The following USO1 variants were observed in gnomAD, a reference collection of about 807,000 sequenced individuals.
USO1 encodes USO1 vesicle transport factor, also known as general vesicular transport factor p115.
In USO1, 57 loss-of-function variants were observed where a neutral mutation model predicts 124.5. The observed-to-expected ratio is 0.46, with a 90% CI of 0.37 to 0.57. The LOEUF is 0.57. Among genes scored for constraint, USO1 ranks in the 20% least tolerant of loss-of-function variants. The probability of loss-of-function intolerance (pLI) is 0.00; values close to 1 mark genes in which losing one functional copy is unlikely to be tolerated. For missense variants in USO1, 900 were observed against 1,040.6 expected (o/e 0.86, Z 1.86); for synonymous variants, 369 against 362.8 (o/e 1.02, Z -0.19).
At position 75,806,525 on chromosome 4, in the gene USO1, G is replaced by T; in HGVS notation, c.2329G>T (p.Ala777Ser). The change falls in exon 20 of 24, where the codon GCA becomes TCA. Residue 777 changes from alanine (A) to serine (S), a missense_variant. Physicochemically the swap from Ala to Ser is moderately conservative, Grantham distance 99. This residue lies in a region of USO1 where 362 missense variants were observed against 359.0 expected (regional missense o/e 1.01). Coordinates refer to ENST00000514213, the MANE Select transcript of USO1 (RefSeq NM_003715.4). ...QTSGTNEQSS[A>S]IVSARDSEQV... ...ATCTGGCACAAATGAACAGTCTTCA[G>T]CAATAGTTTCAGCTAGAGATTCTGA... 6.4e-7 allele frequency: 1 copy of T among 1,562,146 alleles called. No homozygotes were observed. The highest frequency in any genetic ancestry group is 1.4e-5 in the African/African-American group (1 of 73,744).
chr4:75,805,439 G>A, intron 19 of USO1, 136 bp downstream of exon 19: 1 of 1,274,920 alleles, frequency 7.8e-7, no homozygotes. Flanking sequence ...AGGCACAGTG[G>A]CTTACGCCTG....
At chr4:75,751,906 G>A (rs1417344802) in intron 1 of USO1, among the ~76,000 whole-genome samples, 2 of 151,982 alleles carry the variant, frequency 1.3e-5, no homozygotes, top group African/African-American at 4.8e-5. Context: ...ATATTTTGAG[G>A]CACACTTAAA....
intron 19 of USO1, among the ~76,000 whole-genome samples, chr4:75,805,929 C>T (rs1266900800): frequency 6.6e-6 from 1 of 152,092 alleles, no homozygotes; most frequent in Non-Finnish European, 1.5e-5. Context: ...CTTTTATGCT[C>T]TTTCTCCATA....
rs550803058 is a variant in USO1 at position 75,800,986 on chromosome 4, C to T, written c.1865-93C>T. The T allele has an allele frequency of 4.7e-5, 65 of 1,386,386 alleles. No homozygotes were observed. In the African/African-American group the frequency reaches 8.0e-4, roughly 17 times the overall value. 85.9% of individuals were successfully genotyped at this position (1,386,386 alleles called of 1,614,324 possible). A position where few individuals can be genotyped will look rare whatever the true frequency, so the allele number is the denominator to read the frequency against. On this transcript the variant is annotated intron_variant, in intron 16 of 23. Coordinates refer to ENST00000514213, the MANE Select transcript of USO1 (RefSeq NM_003715.4). ...ATTGAAAAGATTATTTCTTACCTAT[C>T]ATGGAGTTAGGTTATATGTTTTTAC... is the stretch of plus-strand genomic sequence containing the variant.
At chr4:75,765,383 A>G (rs906524334) in intron 4 of USO1, among the ~76,000 whole-genome samples, 2 of 152,142 alleles carry the variant, frequency 1.3e-5, no homozygotes, top group African/African-American at 4.8e-5. Flanking sequence ...GGGGTGGCTT[A>G]AAAAACAAGG....
At chr4:75,727,149 C>G (rs902783235) in intron 1 of USO1, among the ~76,000 whole-genome samples, 2 of 152,116 alleles carry the variant, frequency 1.3e-5, no homozygotes, top group Non-Finnish European at 2.9e-5. Context: ...ATAGAATTCA[C>G]AGTGTATAGG....
chr4:75,765,172 CTG>C (rs1721732186), intron 4 of USO1, among the ~76,000 whole-genome samples: 1 of 152,102 alleles, frequency 6.6e-6, no homozygotes, highest in Non-Finnish European at 1.5e-5. Context: ...GTTAATATTG[CTG>C]TGATTTTAAT....
intron 8 of USO1, among the ~76,000 whole-genome samples, chr4:75,781,961 T>C (rs1722233379): frequency 6.6e-6 from 1 of 152,128 alleles, no homozygotes; most frequent in Admixed American, 6.6e-5. Context: ...ACTGTGATAA[T>C]AGTGAAAGCT....
intron 1 of USO1, among the ~76,000 whole-genome samples, chr4:75,740,631 C>G (rs1180205324): frequency 1.3e-5 from 2 of 152,130 alleles, no homozygotes; most frequent in Non-Finnish European, 2.9e-5. Flanking sequence ...TTCATGGTAA[C>G]TTTATAAAAC....
chr4:75,796,430 G>A (rs1227449105), intron 13 of USO1, among the ~76,000 whole-genome samples: 2 of 149,246 alleles, frequency 1.3e-5, no homozygotes, highest in Non-Finnish European at 3.0e-5. Context: ...CTGCCTTCTG[G>A]GTTCAAGCGA....
Position 75,812,193 on chromosome 4 carries a change from G to A in USO1, c.2617G>A (p.Ala873Thr), listed in dbSNP as rs1490744231. ...TAAAGCTCTGTCTGAGGAAAGAACT[G>A]CCATTAAAGAGCAGCTGGATTCATC... ...EIKALSEERT[A>T]IKEQLDSSNS... is the part of the protein sequence containing the mutation. The change falls in exon 23 of 24, where the codon GCC becomes ACC. Residue 873 changes from alanine (A) to threonine (T), a missense_variant. Coordinates refer to ENST00000514213, the MANE Select transcript of USO1 (RefSeq NM_003715.4). 6.2e-7 allele frequency: 1 copy of A among 1,608,324 alleles called. No homozygotes were observed. Among genetic ancestry groups the A allele is most frequent in the Non-Finnish European group, 8.5e-7 (1 of 1,177,278 alleles).
At chr4:75,781,761 A>T (rs200498326) in intron 8 of USO1, among the ~76,000 whole-genome samples, 477 of 37,386 alleles carry the variant, frequency 0.013, no homozygotes, top group Admixed American at 0.046. Flanking sequence ...ATGTCTTTTT[A>T]AAAAAAAAAT....
At chr4:75,745,361 G>A (rs376064383) in intron 1 of USO1, 291 of 519,804 alleles carry the variant, frequency 5.6e-4, no homozygotes, top group Non-Finnish European at 9.8e-4. Flanking sequence ...AGACAGTTGT[G>A]CAAGTGGAGC....
At chr4:75,742,976 T>A (rs898557512) in intron 1 of USO1, among the ~76,000 whole-genome samples, 3 of 151,036 alleles carry the variant, frequency 2.0e-5, no homozygotes, top group African/African-American at 7.3e-5. Flanking sequence ...GGAAAGTGAA[T>A]AAGCATATCT....
chr4:75,725,488 C>T (rs1439635313), intron 1 of USO1, among the ~76,000 whole-genome samples: 1 of 152,044 alleles, frequency 6.6e-6, no homozygotes, highest in Non-Finnish European at 1.5e-5. Flanking sequence ...TTTTCGGGCT[C>T]ACCCAAATAT....
rs768203766 is a variant in USO1 at position 75,804,180 on chromosome 4, G to A, written c.2033G>A (p.Cys678Tyr). 1 of 1,613,452 alleles carries A rather than the reference G, an allele frequency of 6.2e-7. No individual in the cohort carries two copies. The highest frequency in any genetic ancestry group is 8.5e-7 in the Non-Finnish European group (1 of 1,179,680). ...ELRQQVSTLK[C>Y]QNEQLQTAVT... Reference sequence around the variant, plus strand: ...AGGCAGCAGGTTTCTACATTAAAATGTCAAAATGAACAGCTCCAGACGGCA... The same window carrying A: ...AGGCAGCAGGTTTCTACATTAAAATATCAAAATGAACAGCTCCAGACGGCA... Residue 678 changes from cysteine (C) to tyrosine (Y), a missense_variant, in exon 18 of 24, where the codon TGT (cysteine) becomes TAT (tyrosine). Physicochemically the swap from Cys to Tyr is radical, Grantham distance 194. Around this residue, in one of 2 missense-constraint regions of USO1, gnomAD observed 362 missense variants for 359.0 expected, o/e 1.01. Transcript: ENST00000514213.
Position 75,753,358 on chromosome 4 carries a change from C to A in USO1, c.218+754C>A, listed in dbSNP as rs984192620. ...AGACCAGCCTGGTCAAATGGTGAAA[C>A]CCGGTCTCTACTAAAAATAACAAAA... is the stretch of plus-strand genomic sequence containing the variant. On this transcript the variant is annotated intron_variant, in intron 3 of 23. Coordinates refer to ENST00000514213, the MANE Select transcript of USO1 (RefSeq NM_003715.4). 2.0e-5 allele frequency among the ~76,000 whole-genome samples: 3 copies of A among 147,914 alleles called. No homozygotes were observed. In the East Asian group the frequency reaches 5.8e-4, roughly 29 times the overall value.
chr4:75,742,366 C>T (rs1187525448), intron 1 of USO1, among the ~76,000 whole-genome samples: 1 of 152,116 alleles, frequency 6.6e-6, no homozygotes, highest in Non-Finnish European at 1.5e-5. Flanking sequence ...CCATTATCAT[C>T]ATATGGGACG....
At position 75,750,761 on chromosome 4, in the gene USO1, G is replaced by A. The variant is rs946505713; in HGVS notation, c.67-1612G>A. Among the ~76,000 whole-genome samples the A allele has an allele frequency of 2.9e-3, 442 of 152,222 alleles. 3 individuals carry two copies. Among genetic ancestry groups the A allele is most frequent in the African/African-American group, 0.01 (428 of 41,552 alleles). On this transcript the variant is annotated intron_variant, in intron 1 of 23. Coordinates refer to ENST00000514213, the MANE Select transcript of USO1 (RefSeq NM_003715.4). The stretch of plus-strand genomic sequence containing the variant: ...ACCTCCCAAAGTGCTGAGATTACAG[G>A]TGTGAGCCACCGTGCCCATTCTACA...
Sources: allele counts gnomAD v4.1 joint callset (sites outside exome capture counted in the v4.1 genomes callset), GRCh38; gene constraint gnomAD v4.1.1; regional missense constraint gnomAD v4.1.1; transcripts MANE v1.5; gene names NCBI Gene and HGNC (gene_info 2026-07-23, HGNC 2026-07-21).